The following TIAM1 variants were observed in gnomAD, a reference collection of about 807,000 sequenced individuals.
TIAM1 encodes the protein TIAM Rac1 associated GEF 1, also known as rho guanine nucleotide exchange factor TIAM1.
TIAM1 carries 65 observed loss-of-function variants against 163.5 expected under a neutral mutation model. That is an observed-to-expected ratio of 0.40 (90% CI 0.33 to 0.49). The LOEUF (loss-of-function observed/expected upper bound fraction) is 0.49, where lower values mean the gene tolerates loss of function less well. Among genes scored for constraint, TIAM1 ranks in the 20% least tolerant of loss-of-function variants. The pLI, the probability that TIAM1 is intolerant of heterozygous loss-of-function variation, is 0.77. For synonymous variants in TIAM1, 833 were observed against 810.1 expected (o/e 1.03, Z -0.48); for missense variants, 1,789 against 2,044.7 (o/e 0.87, Z 2.41).
rs755098091 is a variant in TIAM1 at position 31,266,721 on chromosome 21, G to C, written c.252C>G (p.Asp84Glu). The C allele has an allele frequency of 6.2e-7, 1 of 1,614,208 alleles. No homozygotes were observed. The highest frequency in any genetic ancestry group is 1.1e-5 in the South Asian group (1 of 91,084). Reference sequence around the variant, plus strand: ...GGTCCACCCAGATGGGGCTCCCGAAGTCTTCTAGGGTACCATCTTGGGAGA... The same window carrying C: ...GGTCCACCCAGATGGGGCTCCCGAACTCTTCTAGGGTACCATCTTGGGAGA... ...EPFSQDGTLE[D>E]FGSPIWVDRV... Residue 84 changes from aspartate (D) to glutamate (E), a missense_variant, in exon 4 of 28, where the codon GAC becomes GAG. By Grantham distance (45) the Asp-to-Glu change is conservative (BLOSUM62 2). Around this residue, in one of 5 missense-constraint regions of TIAM1, gnomAD observed 555 missense variants for 564.9 expected, o/e 0.98. Coordinates refer to ENST00000541036, the MANE Select transcript of TIAM1 (RefSeq NM_001353694.2).
chr21:31,489,561 A>G (rs931614901), intron 1 of TIAM1, among the ~76,000 whole-genome samples: 1 of 52,570 alleles, frequency 1.9e-5, no homozygotes, highest in Admixed American at 2.2e-4. Flanking sequence ...GTGCTAAGGG[A>G]AAAGTGCAGA....
chr21:31,438,211 A>G (rs1379314579), intron 2 of TIAM1, among the ~76,000 whole-genome samples: 1 of 46,046 alleles, frequency 2.2e-5, no homozygotes, highest in South Asian at 7.5e-4. Flanking sequence ...TTTTTTTTTG[A>G]GACAGAGTCT....
intron 2 of TIAM1, among the ~76,000 whole-genome samples, chr21:31,447,450 A>G (rs942249163): frequency 2.0e-5 from 3 of 152,176 alleles, no homozygotes; most frequent in African/African-American, 7.2e-5. Context: ...AGATTTAAAA[A>G]AGGAAGAAAA....
intron 2 of TIAM1, among the ~76,000 whole-genome samples, chr21:31,388,393 C>A (rs1037948176): frequency 1.3e-5 from 2 of 152,124 alleles, no homozygotes; most frequent in Non-Finnish European, 2.9e-5. Context: ...ATAAGCCCAA[C>A]ACTTTGGGAG....
At position 31,237,174 on chromosome 21, in the gene TIAM1, T is replaced by G. The variant is rs554816659; in HGVS notation, c.1584+8314A>C. Among the ~76,000 whole-genome samples the G allele has an allele frequency of 5.3e-5, 8 of 152,320 alleles. No homozygotes were observed. The East Asian group carries it at 1.4e-3, about 26-fold the overall frequency. On this transcript the variant is annotated intron_variant, in intron 6 of 27. Transcript: ENST00000541036. The stretch of plus-strand genomic sequence containing the variant: ...CAGGCTCACCTGTTGGCCAGGGTCT[T>G]GCAGGGACCATACCTCCTTTGAGAG...
At chr21:31,162,931 C>A (rs2084001805) in intron 16 of TIAM1, among the ~76,000 whole-genome samples, 1 of 152,132 alleles carries the variant, frequency 6.6e-6, no homozygotes, top group African/African-American at 2.4e-5. Flanking sequence ...ACCACGGAGT[C>A]AGAGCGACAC....
chr21:31,409,112 CTTTTT>C (rs200352360), intron 2 of TIAM1, among the ~76,000 whole-genome samples: 10 of 141,130 alleles, frequency 7.1e-5, no homozygotes, highest in Admixed American at 4.9e-4. Context: ...TTCTCCTTTT[CTTTTT>C]TTTTTTTTTT....
At chr21:31,398,056 TC>T (rs2077102237) in intron 2 of TIAM1, among the ~76,000 whole-genome samples, 1 of 129,716 alleles carries the variant, frequency 7.7e-6, no homozygotes, top group South Asian at 2.5e-4. Flanking sequence ...CCCTTTGACC[TC>T]CCCCCTACAA....
chr21:31,161,502 A>C (rs2083921558), intron 16 of TIAM1, among the ~76,000 whole-genome samples: 3 of 152,318 alleles, frequency 2.0e-5, no homozygotes, highest in South Asian at 2.1e-4. Context: ...GCTCAACAAC[A>C]AGCATACAAT....
intron 13 of TIAM1, among the ~76,000 whole-genome samples, chr21:31,188,555 C>T (rs1277290529): frequency 6.6e-6 from 1 of 152,150 alleles, no homozygotes; most frequent in Non-Finnish European, 1.5e-5. Flanking sequence ...CATTCTACTA[C>T]ATTCTGAGAC....
At chr21:31,331,036 CTA>C (rs1449630229) in intron 2 of TIAM1, among the ~76,000 whole-genome samples, 1 of 152,028 alleles carries the variant, frequency 6.6e-6, no homozygotes, top group African/African-American at 2.4e-5. Flanking sequence ...TATACTTAGG[CTA>C]TGTTTTCCCA....
chr21:31,543,969 G>C (rs2123286118), intron 1 of TIAM1, among the ~76,000 whole-genome samples: 1 of 152,300 alleles, frequency 6.6e-6, no homozygotes, highest in African/African-American at 2.4e-5. Flanking sequence ...CCAGGACTTT[G>C]GGAGGCCAAG....
intron 2 of TIAM1, among the ~76,000 whole-genome samples, chr21:31,303,895 T>C (rs2074595798): frequency 6.6e-6 from 1 of 152,120 alleles, no homozygotes; most frequent in African/African-American, 2.4e-5. Context: ...GGAGAATTGC[T>C]TGAACCCTGG....
At chr21:31,418,320 C>T (rs150224773) in intron 2 of TIAM1, among the ~76,000 whole-genome samples, 2,717 of 121,284 alleles carry the variant, frequency 0.022, 73 homozygotes, top group African/African-American at 0.079. Flanking sequence ...CCAGCCTGGG[C>T]GACAGAGCGA....
In TIAM1 at chr21:31,165,006, C is replaced by G; in HGVS notation, c.2947G>C (p.Gly983Arg). Residue 983 changes from glycine to arginine, a missense_variant, in exon 16 of 28, where the codon GGG (glycine) becomes CGG (arginine). By Grantham distance (125) the Gly-to-Arg change is moderately radical. Transcript: ENST00000541036. ...SAETAPEETE[G>R]PDLESSDETD... ...TCATCTGAGGATTCCAAGTCTGGCC[C>G]CTCGGTCTCCTCTGGAGCGGTCTCA... 1 of 1,614,162 alleles carries G rather than the reference C, an allele frequency of 6.2e-7. No individual in the cohort carries two copies. The highest frequency in any genetic ancestry group is 8.5e-7 in the Non-Finnish European group (1 of 1,180,036).
intron 2 of TIAM1, among the ~76,000 whole-genome samples, chr21:31,373,935 C>G (rs958623125): frequency 7.9e-5 from 12 of 152,140 alleles, no homozygotes; most frequent in Admixed American, 7.2e-4. Context: ...ACAGCTCCCT[C>G]TGGAAGCAGC....
chr21:31,348,711 A>T (rs536092718), upstream of TIAM1, among the ~76,000 whole-genome samples: 9 of 152,328 alleles, frequency 5.9e-5, no homozygotes, highest in South Asian at 1.9e-3. Context: ...GAATACGGAC[A>T]TGTTTGAAAA....
Position 31,187,051 on chromosome 21 carries a change from C to T in TIAM1, c.2612G>A (p.Arg871Gln), listed in dbSNP as rs144926888. Residue 871 changes from arginine to glutamine, a missense_variant, in exon 14 of 28, where the codon CGA becomes CAA. Physicochemically the swap from Arg to Gln is conservative, Grantham distance 43. Coordinates refer to ENST00000541036, the MANE Select transcript of TIAM1 (RefSeq NM_001353694.2). ...SLSSVEEDGI[R>Q]RLYVNSVKET... ...CTTCACACTATTCACGTACAGCCTTCGAATACCATCTTCTTCCACAGAAGA... is the reference window on the plus strand; with the variant it reads ...CTTCACACTATTCACGTACAGCCTTTGAATACCATCTTCTTCCACAGAAGA... The T allele has an allele frequency of 2.0e-4, 327 of 1,613,994 alleles. No homozygotes were observed. Among genetic ancestry groups the T allele is most frequent in the Non-Finnish European group, 2.1e-4 (253 of 1,180,000 alleles).
At chr21:31,130,114 A>C in intron 25 of TIAM1, 99 bp downstream of exon 25, 1 of 888,492 alleles carries the variant, frequency 1.1e-6, no homozygotes, top group Non-Finnish European at 1.7e-6. Context: ...AAAAAAAAAG[A>C]CGGTAGAAGA....
Sources: allele counts gnomAD v4.1 joint callset (sites outside exome capture counted in the v4.1 genomes callset), GRCh38; gene constraint gnomAD v4.1.1; regional missense constraint gnomAD v4.1.1; transcripts MANE v1.5; gene names NCBI Gene and HGNC (gene_info 2026-07-23, HGNC 2026-07-21).